LCORL: variants seen among roughly 807,000 people sequenced by gnomAD.
LCORL encodes the protein ligand-dependent nuclear receptor corepressor-like protein.
A neutral mutation model predicts 141.8 loss-of-function variants in LCORL; 41 were observed. The observed-to-expected ratio is 0.29, with a 90% CI of 0.23 to 0.38. The LOEUF is 0.38. Ranked by LOEUF, LCORL falls within the 10% of genes least tolerant of loss-of-function variation. The pLI is 1.00. For synonymous variants in LCORL, 618 were observed against 694.1 expected, an observed-to-expected ratio of 0.89 and a Z score of 1.72; for missense variants, 1,759 against 2,035.0, an observed-to-expected ratio of 0.86 and a Z score of 2.61.
rs79320576 is a variant in LCORL, at chr4:17,935,438, T to A, written c.431-26093A>T. Among the ~76,000 whole-genome samples, 101 of 152,310 alleles carry A rather than the reference T, an allele frequency of 6.6e-4. 1 individual carries two copies. The East Asian group carries it at 0.015, about 23-fold the overall frequency. ...TCTCATGTTGAAATGTGACCTTCAA[T>A]GTTGGAGATGGGTCTAGTGGGAGAT... On this transcript the variant is annotated intron_variant, in intron 4 of 7. Transcript: ENST00000635767.
chr4:17,987,001 AT>A (rs1424962864), intron 1 of LCORL, among the ~76,000 whole-genome samples: 1 of 152,136 alleles, frequency 6.6e-6, no homozygotes, highest in African/African-American at 2.4e-5. Flanking sequence ...CATAAGAAAA[AT>A]TTTTGAAAGT....
intron 4 of LCORL, among the ~76,000 whole-genome samples, chr4:17,954,353 A>C (rs1199954042): frequency 6.6e-6 from 1 of 152,184 alleles, no homozygotes; most frequent in Non-Finnish European, 1.5e-5. Context: ...AAAGATCCTG[A>C]GAAGAAAATA....
At chr4:17,921,924 C>T (rs1416248641) in intron 4 of LCORL, among the ~76,000 whole-genome samples, 3 of 152,172 alleles carry the variant, frequency 2.0e-5, no homozygotes, top group Non-Finnish European at 4.4e-5. Context: ...ACATCAAACT[C>T]CCAAGTTCTT....
At chr4:17,904,862 G>C (rs921501623) in intron 5 of LCORL, among the ~76,000 whole-genome samples, 1 of 152,064 alleles carries the variant, frequency 6.6e-6, no homozygotes, top group African/African-American at 2.4e-5. Flanking sequence ...AGTCTTGCTT[G>C]CAAATTTTAG....
chr4:17,924,730 G>C (rs1734847334), intron 4 of LCORL, among the ~76,000 whole-genome samples: 1 of 152,248 alleles, frequency 6.6e-6, no homozygotes, highest in South Asian at 2.1e-4. Context: ...AAGTGAAGCA[G>C]TGGGCTCATG....
chr4:17,884,792 A>G lies in LCORL; in HGVS notation c.776+1276T>C. 8.7e-7 allele frequency: 1 copy of G among 1,153,774 alleles called. No homozygotes were observed. The highest frequency in any genetic ancestry group is 1.2e-6 in the Non-Finnish European group (1 of 839,126). 71.5% of individuals were successfully genotyped at this position (1,153,774 alleles called of 1,614,324 possible). The stretch of plus-strand genomic sequence containing the variant: ...TGAAACGATGGTAAACTGATGCATG[A>G]GAGACTCTCACACAGCTATGGAAGG... On this transcript the variant is annotated intron_variant, in intron 6 of 7. Coordinates refer to ENST00000635767, the Ensembl canonical transcript of LCORL. This position sits in a 1 kb window ranked among gnomAD's most constrained non-coding sequence, Gnocchi z 4.4.
chr4:17,862,155 C>T (rs1047182307), intron 7 of LCORL, among the ~76,000 whole-genome samples: 3 of 152,150 alleles, frequency 2.0e-5, no homozygotes, highest in Non-Finnish European at 1.5e-5. Flanking sequence ...CATTTTCATG[C>T]TGCTGGTAAA....
intron 4 of LCORL, among the ~76,000 whole-genome samples, chr4:17,939,170 G>A (rs867522578): frequency 6.6e-6 from 1 of 152,122 alleles, no homozygotes; most frequent in African/African-American, 2.4e-5. Flanking sequence ...CTGTAAGAAC[G>A]TGAAAATGTG....
At chr4:17,912,769 C>A in intron 4 of LCORL, 1 of 418,624 alleles carries the variant, frequency 2.4e-6, no homozygotes, top group South Asian at 1.9e-5. Context: ...AGAGGCAGCA[C>A]CAGGCCCAGG....
chr4:17,878,232 C>T lies in LCORL; in HGVS notation c.777-19G>A. On this transcript the variant is annotated intron_variant, in intron 6 of 7. Coordinates refer to ENST00000635767, the Ensembl canonical transcript of LCORL. Reference sequence around the variant, plus strand: ...AGTTGAACTAAAAATAAAAATCAAACAAAAAATGAATTGCAGCAAAAATAC... The same window carrying T: ...AGTTGAACTAAAAATAAAAATCAAATAAAAAATGAATTGCAGCAAAAATAC... 1 of 1,226,082 alleles carries T rather than the reference C, an allele frequency of 8.2e-7. No individual in the cohort carries two copies. Among genetic ancestry groups the T allele is most frequent in the Non-Finnish European group, 1.0e-6 (1 of 983,080 alleles). 76.0% of individuals were successfully genotyped at this position (1,226,082 alleles called of 1,614,324 possible).
At position 17,958,631 on chromosome 4, in the gene LCORL, A is replaced by C. The variant is rs193149287; in HGVS notation, c.430+3272T>G. ...CTATACACAGTAATACTTTAAGTAC[A>C]AAGCAGAGAAAGGTTAACTATATGT... On this transcript the variant is annotated intron_variant, in intron 4 of 7. Coordinates refer to ENST00000635767, the Ensembl canonical transcript of LCORL. 8.1e-3 allele frequency among the ~76,000 whole-genome samples: 1,235 copies of C among 152,180 alleles called. 19 individuals carry two copies. The highest frequency in any genetic ancestry group is 0.029 in the African/African-American group (1,186 of 41,576).
At chr4:17,868,897 C>T (rs922779053) in intron 7 of LCORL, among the ~76,000 whole-genome samples, 1 of 152,092 alleles carries the variant, frequency 6.6e-6, no homozygotes, top group Non-Finnish European at 1.5e-5. Context: ...CTTGAGACAG[C>T]TATTTCAAAC....
At chr4:17,985,593 CT>C (rs1259578338) in intron 1 of LCORL, among the ~76,000 whole-genome samples, 2 of 152,034 alleles carry the variant, frequency 1.3e-5, no homozygotes, top group Admixed American at 6.6e-5. Flanking sequence ...GCAACCCTGG[CT>C]TTTTTCTCAT....
chr4:18,015,594 T>C (rs569957995), intron 1 of LCORL, among the ~76,000 whole-genome samples: 3 of 151,928 alleles, frequency 2.0e-5, no homozygotes, highest in East Asian at 3.9e-4. Flanking sequence ...TAGAAAACAT[T>C]TGATAGTGCT....
In LCORL at chr4:17,912,485, G is replaced by C. The variant is rs183530402; in HGVS notation, c.431-3140C>G. 9 of 523,416 alleles carry C rather than the reference G, an allele frequency of 1.7e-5. No individual in the cohort carries two copies. The East Asian group carries it at 3.8e-4, about 22-fold the overall frequency. 32.4% of individuals were successfully genotyped at this position (523,416 alleles called of 1,614,324 possible). ...TACGATGAGCTGGCTCAGAAGAACC[G>C]ACAGGAACTAGACAGGTTACTGGTC... is the stretch of plus-strand genomic sequence containing the variant. On this transcript the variant is annotated intron_variant, in intron 4 of 7. Coordinates refer to ENST00000635767, the Ensembl canonical transcript of LCORL.
chr4:17,999,665 C>T (rs1721600426), intron 1 of LCORL, among the ~76,000 whole-genome samples: 1 of 152,166 alleles, frequency 6.6e-6, no homozygotes. Flanking sequence ...ACTATAAACT[C>T]TGGTTTATCT....
At chr4:17,874,334 G>C in exon 7 of LCORL, 2 of 1,233,904 alleles carry the variant, frequency 1.6e-6, no homozygotes, top group African/African-American at 3.1e-5. Flanking sequence ...AGTGCTTTCT[G>C]AAGGGGCTGG....
At chr4:18,019,679 G>C (rs1260506524) in intron 1 of LCORL, among the ~76,000 whole-genome samples, 1 of 126,054 alleles carries the variant, frequency 7.9e-6, no homozygotes, top group Non-Finnish European at 1.9e-5. Flanking sequence ...AAATAAGCAA[G>C]AAGACCAGAA....
chr4:17,955,573 T>C (rs1712448076), intron 4 of LCORL, among the ~76,000 whole-genome samples: 1 of 152,110 alleles, frequency 6.6e-6, no homozygotes, highest in African/African-American at 2.4e-5. Flanking sequence ...AGGTGATTGT[T>C]CTATAAAAAG....
Sources: gnomAD v4.1 joint callset for allele counts (sites outside exome capture counted in the v4.1 genomes callset) on GRCh38, gnomAD v4.1.1 for gene constraint, Gnocchi (gnomAD v3.1) non-coding constraint, MANE v1.5 for transcripts, NCBI Gene and HGNC (gene_info 2026-07-23, HGNC 2026-07-21) for gene names.